AUTS2: variants seen among roughly 807,000 people sequenced by gnomAD.
AUTS2 encodes the protein autism susceptibility gene 2 protein.
Under a neutral mutation model 112.4 loss-of-function variants are expected in AUTS2, and 17 were observed. The ratio of observed to expected loss-of-function variants is 0.15; its 90% CI spans 0.10 to 0.23. The LOEUF is 0.23. AUTS2 is among the 10% of genes least tolerant of loss of function. The pLI, the probability that AUTS2 is intolerant of heterozygous loss-of-function variation, is 1.00. For missense variants in AUTS2, 1,510 were observed against 1,701.6 expected, an observed-to-expected ratio of 0.89 and a Z score of 1.98; for synonymous variants, 751 against 702.7, an observed-to-expected ratio of 1.07 and a Z score of -1.09.
At chr7:70,377,490 C>T (rs895527501) in intron 4 of AUTS2, among the ~76,000 whole-genome samples, 8 of 148,996 alleles carry the variant, frequency 5.4e-5, no homozygotes, top group African/African-American at 1.2e-4. Context: ...CATAAAATGG[C>T]TTACCATTTT....
intron 5 of AUTS2, among the ~76,000 whole-genome samples, chr7:70,463,225 C>G (rs2115635682): frequency 6.6e-6 from 1 of 152,322 alleles, no homozygotes; most frequent in South Asian, 2.1e-4. Flanking sequence ...CCTGTTCACT[C>G]ACTTTGGCAG....
intron 1 of AUTS2, among the ~76,000 whole-genome samples, chr7:69,716,026 A>G (rs1798589000): frequency 6.6e-6 from 1 of 152,192 alleles, no homozygotes; most frequent in East Asian, 1.9e-4. Context: ...GAGCATGTCT[A>G]TTAAGAAAGC....
intron 2 of AUTS2, among the ~76,000 whole-genome samples, chr7:70,054,112 A>G (rs1032143784): frequency 5.9e-5 from 9 of 152,180 alleles, no homozygotes; most frequent in African/African-American, 2.2e-4. Flanking sequence ...TACTAGCCAC[A>G]TATGCATTTG....
At chr7:69,676,063 C>G (rs540703502) in intron 1 of AUTS2, among the ~76,000 whole-genome samples, 184 of 152,214 alleles carry the variant, frequency 1.2e-3, no homozygotes, top group African/African-American at 4.2e-3. Flanking sequence ...CTGTGCATAC[C>G]TAAGGAGTTG....
chr7:69,935,413 A>AT (rs1474992159), intron 2 of AUTS2, among the ~76,000 whole-genome samples: 6 of 152,266 alleles, frequency 3.9e-5, no homozygotes, highest in African/African-American at 1.2e-4. Context: ...CCTTTTCAAA[A>AT]TTTTTTTAGG....
At chr7:70,753,785 A>G (rs961866270) in intron 6 of AUTS2, among the ~76,000 whole-genome samples, 8 of 152,216 alleles carry the variant, frequency 5.3e-5, no homozygotes, top group Non-Finnish European at 8.8e-5. Context: ...GGGTTTTAAT[A>G]CGTATATACA....
At chr7:69,812,685 T>C (rs969107834) in intron 1 of AUTS2, among the ~76,000 whole-genome samples, 1 of 152,218 alleles carries the variant, frequency 6.6e-6, no homozygotes, top group African/African-American at 2.4e-5. Flanking sequence ...TTTTTTTCTT[T>C]TAACTTGAGG....
At chr7:69,669,709 CAAAGA>C (rs1796227040) in intron 1 of AUTS2, among the ~76,000 whole-genome samples, 1 of 151,670 alleles carries the variant, frequency 6.6e-6, no homozygotes, top group Non-Finnish European at 1.5e-5. Context: ...TTTTTCCCCT[CAAAGA>C]AAATTGAAAA....
intron 4 of AUTS2, among the ~76,000 whole-genome samples, chr7:70,206,255 C>T (rs533275235): frequency 6.6e-6 from 1 of 152,144 alleles, no homozygotes; most frequent in East Asian, 1.9e-4. Flanking sequence ...TGGAGGCTTT[C>T]TTGTGTATCT....
At chr7:70,080,883 T>C (rs1215119797) in intron 2 of AUTS2, among the ~76,000 whole-genome samples, 1 of 152,180 alleles carries the variant, frequency 6.6e-6, no homozygotes, top group Non-Finnish European at 1.5e-5. Context: ...GCCTACTCTA[T>C]TTAAAAGAAC....
At chr7:70,760,376 G>GAGA (rs1789495601) in intron 6 of AUTS2, among the ~76,000 whole-genome samples, 1 of 152,210 alleles carries the variant, frequency 6.6e-6, no homozygotes, top group Non-Finnish European at 1.5e-5. Context: ...CTGTCAGTGT[G>GAGA]AGAAGAGTCC....
chr7:69,970,214 A>G (rs2129547906), intron 2 of AUTS2, among the ~76,000 whole-genome samples: 2 of 152,246 alleles, frequency 1.3e-5, no homozygotes, highest in Admixed American at 1.3e-4. Flanking sequence ...AATTAATTTC[A>G]TCCTATACCC....
At chr7:70,219,457 G>T (rs1369150644) in intron 4 of AUTS2, among the ~76,000 whole-genome samples, 1 of 152,018 alleles carries the variant, frequency 6.6e-6, no homozygotes, top group Non-Finnish European at 1.5e-5. Flanking sequence ...AGAATTTTGA[G>T]TGTATAGACA....
intron 6 of AUTS2, among the ~76,000 whole-genome samples, chr7:70,757,681 AT>A (rs1250355460): frequency 1.3e-5 from 2 of 149,752 alleles, no homozygotes; most frequent in Non-Finnish European, 1.5e-5. Flanking sequence ...ACATTTTCTT[AT>A]TTTTTTATGC....
intron 1 of AUTS2, among the ~76,000 whole-genome samples, chr7:69,890,280 G>A (rs919820502): frequency 1.3e-5 from 2 of 152,178 alleles, no homozygotes; most frequent in African/African-American, 2.4e-5. Flanking sequence ...ACGGATAGTC[G>A]TGACCTCATC....
intron 2 of AUTS2, among the ~76,000 whole-genome samples, chr7:69,966,477 C>A (rs1217017457): frequency 6.6e-6 from 1 of 152,194 alleles, no homozygotes; most frequent in East Asian, 1.9e-4. Context: ...CATCATACAT[C>A]CAAATTCCTC....
At chr7:69,773,621 A>G (rs1395087557) in intron 1 of AUTS2, among the ~76,000 whole-genome samples, 1 of 152,184 alleles carries the variant, frequency 6.6e-6, no homozygotes, top group Non-Finnish European at 1.5e-5. Flanking sequence ...CTGCCAGTGC[A>G]GCTGGGCTGT....
At chr7:70,502,745 A>G (rs796285953) in intron 5 of AUTS2, among the ~76,000 whole-genome samples, 8 of 152,316 alleles carry the variant, frequency 5.3e-5, no homozygotes, top group African/African-American at 1.9e-4. Context: ...GGTTGTAAAC[A>G]TTAGAAAGTT....
chr7:69,737,677 G>C (rs925240422), intron 1 of AUTS2, among the ~76,000 whole-genome samples: 2 of 152,132 alleles, frequency 1.3e-5, no homozygotes, highest in Non-Finnish European at 2.9e-5. Flanking sequence ...TTGAAAGACA[G>C]CCCCTTATAC....
Sources: gnomAD v4.1 joint callset for allele counts (sites outside exome capture counted in the v4.1 genomes callset) on GRCh38, gnomAD v4.1.1 for gene constraint, MANE v1.5 for transcripts, NCBI Gene and HGNC (gene_info 2026-07-23, HGNC 2026-07-21) for gene names.